CAB39: variants seen among roughly 807,000 people sequenced by gnomAD.
The protein encoded by CAB39 is calcium binding protein 39.
In CAB39, 8 loss-of-function variants were observed where a neutral mutation model predicts 40.0. The ratio of observed to expected loss-of-function variants is 0.20; its 90% CI spans 0.12 to 0.36. CAB39 has a LOEUF of 0.36. Among genes scored for constraint, CAB39 ranks in the 10% least tolerant of loss-of-function variants. The pLI, the probability that CAB39 is intolerant of heterozygous loss-of-function variation, is 1.00. For synonymous variants in CAB39, 156 were observed against 141.6 expected (o/e 1.10, Z -0.72); for missense variants, 270 against 401.1 (o/e 0.67, Z 2.79).
At chr2:230,738,598 A>G (rs1027898138) in intron 1 of CAB39, among the ~76,000 whole-genome samples, 26 of 152,338 alleles carry the variant, frequency 1.7e-4, no homozygotes, top group African/African-American at 6.3e-4. Flanking sequence ...AGGGCTGTGT[A>G]CTTGTGCATT....
chr2:230,750,937 C>T (rs1404334275), intron 1 of CAB39, among the ~76,000 whole-genome samples: 4 of 152,196 alleles, frequency 2.6e-5, no homozygotes, highest in South Asian at 2.1e-4. Context: ...CTTTAAAACC[C>T]GTGTAATTAA....
chr2:230,737,337 C>G (rs1048025679), intron 1 of CAB39, among the ~76,000 whole-genome samples: 1 of 152,146 alleles, frequency 6.6e-6, no homozygotes, highest in Non-Finnish European at 1.5e-5. Context: ...GCCTGGATTG[C>G]TGTTCTCCCA....
intron 5 of CAB39, among the ~76,000 whole-genome samples, chr2:230,799,762 G>A (rs751735727): frequency 3.9e-5 from 6 of 152,076 alleles, no homozygotes; most frequent in Non-Finnish European, 7.4e-5. Context: ...AGGCTGAGGC[G>A]GGCGGATGAC....
chr2:230,719,843 C>G (rs903277107), intron 1 of CAB39, among the ~76,000 whole-genome samples: 1 of 152,184 alleles, frequency 6.6e-6, no homozygotes, highest in Non-Finnish European at 1.5e-5. Context: ...TTCTCCTGCA[C>G]TGGTTCCCTC....
At chr2:230,793,391 G>T in intron 4 of CAB39, 60 bp downstream of exon 4, 1 of 821,700 alleles carries the variant, frequency 1.2e-6, no homozygotes. Context: ...GATTGCCTTG[G>T]GAAAAAAAAC....
chr2:230,808,593 G>A (rs1696247268), intron 5 of CAB39, among the ~76,000 whole-genome samples: 1 of 151,738 alleles, frequency 6.6e-6, no homozygotes, highest in Non-Finnish European at 1.5e-5. Context: ...GAGGGGAAAC[G>A]TTGTAGCACT....
At chr2:230,807,397 A>G (rs1309076535) in intron 5 of CAB39, among the ~76,000 whole-genome samples, 1 of 151,160 alleles carries the variant, frequency 6.6e-6, no homozygotes. Context: ...CTCTTTTCCT[A>G]CTAGTGTTTT....
intron 1 of CAB39, among the ~76,000 whole-genome samples, chr2:230,755,064 C>G (rs992338775): frequency 6.6e-6 from 1 of 151,558 alleles, no homozygotes; most frequent in Non-Finnish European, 1.5e-5. Context: ...TACATACATA[C>G]ACACACACAC....
At chr2:230,761,677 T>A (rs1304596490) in intron 2 of CAB39, among the ~76,000 whole-genome samples, 1 of 152,192 alleles carries the variant, frequency 6.6e-6, no homozygotes, top group Non-Finnish European at 1.5e-5. Flanking sequence ...CTGTCTGTAT[T>A]TTCCTTTATT....
At chr2:230,793,432 G>C in intron 4 of CAB39, 101 bp downstream of exon 4, 2 of 511,618 alleles carry the variant, frequency 3.9e-6, no homozygotes, top group South Asian at 8.7e-5. Context: ...CATTTTCTCT[G>C]TAGTTAGATA....
At chr2:230,791,713 C>T (rs1695895444) in intron 3 of CAB39, among the ~76,000 whole-genome samples, 1 of 152,194 alleles carries the variant, frequency 6.6e-6, no homozygotes, top group African/African-American at 2.4e-5. Context: ...CCTCCTGTCT[C>T]AGGGCCCATT....
intron 1 of CAB39, among the ~76,000 whole-genome samples, chr2:230,719,111 G>A (rs758375466): frequency 2.0e-5 from 3 of 152,196 alleles, no homozygotes; most frequent in Non-Finnish European, 4.4e-5. Context: ...TGGGAGGCGT[G>A]TATGAAGTTA....
At chr2:230,813,513 A>G (rs888765824) in intron 6 of CAB39, among the ~76,000 whole-genome samples, 53 of 152,292 alleles carry the variant, frequency 3.5e-4, no homozygotes, top group Non-Finnish European at 1.6e-4. Flanking sequence ...GGCCTGGTTA[A>G]CACAATGCTG....
intron 2 of CAB39, among the ~76,000 whole-genome samples, chr2:230,785,290 G>GA (rs944913285): frequency 3.5e-5 from 5 of 142,756 alleles, no homozygotes; most frequent in Middle Eastern, 3.8e-3. Flanking sequence ...AGTGAGTGAG[G>GA]AAAAAGACTT....
At chr2:230,714,239 C>G (rs1694308724) in intron 1 of CAB39, among the ~76,000 whole-genome samples, 1 of 152,150 alleles carries the variant, frequency 6.6e-6, no homozygotes, top group South Asian at 2.1e-4. Context: ...GAGCTCATTT[C>G]TCAGTGACTC....
intron 4 of CAB39, among the ~76,000 whole-genome samples, chr2:230,794,638 C>G (rs1695949006): frequency 6.6e-6 from 1 of 152,178 alleles, no homozygotes; most frequent in African/African-American, 2.4e-5. Flanking sequence ...GCAGACACTT[C>G]CAGCCAGGAA....
At chr2:230,746,154 G>C (rs1694972405) in intron 1 of CAB39, among the ~76,000 whole-genome samples, 1 of 152,164 alleles carries the variant, frequency 6.6e-6, no homozygotes, top group African/African-American at 2.4e-5. Context: ...GAACAAGTAA[G>C]TACAAAAAGT....
Position 230,818,673 on chromosome 2 carries a change from A to T in CAB39, c.995A>T (p.Asp332Val), listed in dbSNP as rs1300045149. Residue 332 changes from aspartate (D) to valine (V), a missense_variant, in exon 9 of 9, where the codon GAT becomes GTT. Transcript: ENST00000258418. ...EKTYLVKQIR[D>V]LKRPAQQEA ...ACCTATTTAGTTAAACAGATCAGGG[A>T]TTTGAAGAGACCAGCTCAGCAAGAA... 2 of 1,614,130 alleles carry T rather than the reference A, an allele frequency of 1.2e-6. No homozygotes were observed. The highest frequency in any genetic ancestry group is 8.5e-7 in the Non-Finnish European group (1 of 1,179,978).
intron 2 of CAB39, among the ~76,000 whole-genome samples, chr2:230,772,447 A>G (rs1291661110): frequency 6.6e-6 from 1 of 152,114 alleles, no homozygotes; most frequent in African/African-American, 2.4e-5. Context: ...GCTTGTGGGA[A>G]TATAAGATGG....
Sources: gnomAD v4.1 joint callset for allele counts (sites outside exome capture counted in the v4.1 genomes callset) on GRCh38, gnomAD v4.1.1 for gene constraint, MANE v1.5 for transcripts, NCBI Gene and HGNC (gene_info 2026-07-23, HGNC 2026-07-21) for gene names.